THSD7B: variants seen among roughly 807,000 people sequenced by gnomAD.
THSD7B encodes thrombospondin type-1 domain-containing protein 7B.
A neutral mutation model predicts 213.6 loss-of-function variants in THSD7B; 138 were observed. The observed-to-expected ratio is 0.65, with a 90% confidence interval of 0.56 to 0.74. THSD7B has a LOEUF of 0.74. Among genes scored for constraint, THSD7B ranks in the 30% least tolerant of loss-of-function variants. The pLI is 0.00. For synonymous variants in THSD7B, 742 were observed against 687.0 expected (o/e 1.08, Z -1.25); for missense variants, 1,931 against 1,991.5 (o/e 0.97, Z 0.58).
intron 14 of THSD7B, among the ~76,000 whole-genome samples, chr2:137,442,501 T>C (rs538984994): frequency 6.6e-6 from 1 of 152,106 alleles, no homozygotes; most frequent in Admixed American, 6.5e-5. Context: ...CATGTCTATC[T>C]TGGGTTGGCT....
At chr2:136,944,930 T>C (rs1392698482) in intron 2 of THSD7B, among the ~76,000 whole-genome samples, 1 of 152,158 alleles carries the variant, frequency 6.6e-6, no homozygotes, top group East Asian at 1.9e-4. Flanking sequence ...ATCCTGTCAT[T>C]ATGATGTTAG....
chr2:137,242,209 G>C (rs1254583628), intron 9 of THSD7B, among the ~76,000 whole-genome samples: 1 of 152,088 alleles, frequency 6.6e-6, no homozygotes, highest in Non-Finnish European at 1.5e-5. Flanking sequence ...TGGTTTCAGA[G>C]GTTATTTTTT....
At chr2:137,036,049 TAAAAC>T (rs1034039054) in intron 2 of THSD7B, among the ~76,000 whole-genome samples, 3 of 152,152 alleles carry the variant, frequency 2.0e-5, no homozygotes, top group Admixed American at 6.5e-5. Context: ...TGCAAACACT[TAAAAC>T]AAATGACTAG....
chr2:137,215,193 G>A (rs1359800197), intron 7 of THSD7B, among the ~76,000 whole-genome samples: 1 of 152,150 alleles, frequency 6.6e-6, no homozygotes, highest in Non-Finnish European at 1.5e-5. Flanking sequence ...GTGATGACGA[G>A]CTCTTTTTCA....
At chr2:136,884,307 C>T (rs1241696912) in intron 2 of THSD7B, among the ~76,000 whole-genome samples, 1 of 152,316 alleles carries the variant, frequency 6.6e-6, no homozygotes, top group African/African-American at 2.4e-5. Flanking sequence ...AGTTGGGAGC[C>T]TCTACAACTT....
At chr2:137,296,142 T>C (rs16838678) in intron 12 of THSD7B, among the ~76,000 whole-genome samples, 9,378 of 152,236 alleles carry the variant, frequency 0.062, 535 homozygotes, top group African/African-American at 0.14. Flanking sequence ...TATTCCATAT[T>C]GCAAATTTCT....
intron 9 of THSD7B, among the ~76,000 whole-genome samples, chr2:137,238,951 A>G (rs1181418627): frequency 1.3e-5 from 2 of 152,172 alleles, no homozygotes; most frequent in Non-Finnish European, 2.9e-5. Context: ...TAATAATAAT[A>G]ATGCCACTAA....
chr2:137,115,270 C>G lies in THSD7B; in HGVS notation c.1346C>G (p.Ala449Gly). The G allele has an allele frequency of 6.3e-7, 1 of 1,586,348 alleles. No individual in the cohort carries two copies. The highest frequency in any genetic ancestry group is 1.4e-5 in the African/African-American group (1 of 73,820). ...EVYCAQSVPA[A>G]AALRAKEVSR... ...TACTGTGCCCAGAGCGTACCAGCAGCTGCCGCACTGAGGGCCAAGGAAGGT... is the reference window on the plus strand; with the variant it reads ...TACTGTGCCCAGAGCGTACCAGCAGGTGCCGCACTGAGGGCCAAGGAAGGT... The change falls in exon 5 of 28, where the codon GCT becomes GGT. Residue 449 changes from alanine (A) to glycine (G), a missense_variant. Coordinates refer to ENST00000409968, the MANE Select transcript of THSD7B (RefSeq NM_001316349.2).
chr2:136,845,585 A>T (rs1465311661), intron 1 of THSD7B, among the ~76,000 whole-genome samples: 10 of 152,200 alleles, frequency 6.6e-5, no homozygotes, highest in Admixed American at 6.5e-4. Flanking sequence ...GGTACAAGTC[A>T]TTGTTTAAAT....
chr2:137,335,294 A>C (rs2104899780), intron 12 of THSD7B, among the ~76,000 whole-genome samples: 1 of 152,314 alleles, frequency 6.6e-6, no homozygotes, highest in South Asian at 2.1e-4. Flanking sequence ...ACGAGCGCAC[A>C]AAAATAAGGT....
intron 2 of THSD7B, among the ~76,000 whole-genome samples, chr2:137,027,478 A>G (rs1026346387): frequency 6.6e-6 from 1 of 152,202 alleles, no homozygotes; most frequent in Non-Finnish European, 1.5e-5. Context: ...AATTTTACTC[A>G]CATTCTGTTG....
chr2:136,998,913 C>CAA (rs200903819), intron 2 of THSD7B, among the ~76,000 whole-genome samples: 1,535 of 43,568 alleles, frequency 0.035, 23 homozygotes, highest in Admixed American at 0.11. Flanking sequence ...CCAACAGACA[C>CAA]ACACACACAC....
chr2:137,617,316 G>A (rs1476706632), intron 18 of THSD7B, among the ~76,000 whole-genome samples: 2 of 152,110 alleles, frequency 1.3e-5, no homozygotes, highest in Non-Finnish European at 2.9e-5. Context: ...CTACCAATAT[G>A]GAAAATTTCT....
intron 12 of THSD7B, among the ~76,000 whole-genome samples, chr2:137,397,995 C>T (rs1282909219): frequency 1.3e-4 from 11 of 83,510 alleles, no homozygotes; most frequent in Non-Finnish European, 2.6e-4. Context: ...ACGTAGTTCT[C>T]GAGCCTTGGT....
At chr2:137,102,464 A>G (rs755324716) in intron 4 of THSD7B, among the ~76,000 whole-genome samples, 1 of 152,252 alleles carries the variant, frequency 6.6e-6, no homozygotes, top group Non-Finnish European at 1.5e-5. Flanking sequence ...AATTCCAAAA[A>G]CCAGAATTCC....
At chr2:136,957,043 C>A (rs1685138875) in intron 2 of THSD7B, among the ~76,000 whole-genome samples, 1 of 152,068 alleles carries the variant, frequency 6.6e-6, no homozygotes, top group Non-Finnish European at 1.5e-5. Flanking sequence ...ACGTTCATTG[C>A]CCCTTCCACT....
intron 2 of THSD7B, among the ~76,000 whole-genome samples, chr2:137,015,040 TG>T (rs1686311507): frequency 6.6e-6 from 1 of 152,130 alleles, no homozygotes; most frequent in South Asian, 2.1e-4. Flanking sequence ...AATTCATTTT[TG>T]TCTCATATCC....
At chr2:137,570,059 C>T (rs1201530997) in intron 16 of THSD7B, among the ~76,000 whole-genome samples, 2 of 151,212 alleles carry the variant, frequency 1.3e-5, no homozygotes, top group African/African-American at 4.9e-5. Context: ...ATGGATTTTC[C>T]TTCTACTATT....
chr2:137,131,739 A>C (rs1170210702), intron 5 of THSD7B, among the ~76,000 whole-genome samples: 1 of 152,112 alleles, frequency 6.6e-6, no homozygotes, highest in African/African-American at 2.4e-5. Context: ...ATTGGTCTAT[A>C]TCTCTGTTTT....
Sources: gnomAD v4.1 joint callset for allele counts (sites outside exome capture counted in the v4.1 genomes callset) on GRCh38, gnomAD v4.1.1 for gene constraint, MANE v1.5 for transcripts, NCBI Gene and HGNC (gene_info 2026-07-23, HGNC 2026-07-21) for gene names.